METRNL: variants seen among roughly 807,000 people sequenced by gnomAD.
The protein encoded by METRNL is meteorin like, glial cell differentiation regulator.
Under a neutral mutation model 17.4 loss-of-function variants are expected in METRNL, and 9 were observed. The ratio of observed to expected loss-of-function variants is 0.52; its 90% CI spans 0.31 to 0.90. The LOEUF is 0.90. Among genes scored for constraint, METRNL ranks in the 40% least tolerant of loss-of-function variants. METRNL has a pLI of 0.05. For missense variants in METRNL, 408 were observed against 430.7 expected (o/e 0.95, Z 0.47); for synonymous variants, 215 against 199.3 (o/e 1.08, Z -0.66).
At chr17:83,082,738 G>A (rs1307368849) in intron 1 of METRNL, among the ~76,000 whole-genome samples, 1 of 152,246 alleles carries the variant, frequency 6.6e-6, no homozygotes, top group Non-Finnish European at 1.5e-5. Context: ...GAGATTTGAG[G>A]CACTCGATTT....
At chr17:83,086,233 C>T (rs150486658) in intron 2 of METRNL, among the ~76,000 whole-genome samples, 1 of 152,198 alleles carries the variant, frequency 6.6e-6, no homozygotes, top group South Asian at 2.1e-4. Context: ...TGTTCTTGGC[C>T]TAGATTACTT....
chr17:83,081,184 G>A (rs993583353), intron 1 of METRNL, among the ~76,000 whole-genome samples: 11 of 141,930 alleles, frequency 7.8e-5, no homozygotes, highest in Admixed American at 3.4e-4. Context: ...ATGGAGGTCT[G>A]GGGGGGGTCG....
intron 1 of METRNL, among the ~76,000 whole-genome samples, chr17:83,083,323 C>T (rs2143615780): frequency 6.6e-6 from 1 of 152,360 alleles, no homozygotes; most frequent in Non-Finnish European, 1.5e-5. Context: ...GGCAACGTGT[C>T]AGGACGGTGT....
At chr17:83,084,818 G>A (rs1321092782) in intron 1 of METRNL, 120 bp from the exon 2 acceptor site, 12 of 1,316,884 alleles carry the variant, frequency 9.1e-6, no homozygotes, top group Middle Eastern at 2.7e-4. Flanking sequence ...GGCCGGCAGC[G>A]GGTGGGTCCA....
intron 1 of METRNL, chr17:83,080,307 C>G (rs1052953605): frequency 2.0e-5 from 3 of 150,976 alleles, no homozygotes; most frequent in African/African-American, 4.8e-5. Flanking sequence ...AGGCGGGGGT[C>G]GGTCCTCGGG....
chr17:83,094,200 T>C, intron 3 of METRNL, 56 bp from the exon 4 acceptor site: 5 of 1,433,772 alleles, frequency 3.5e-6, no homozygotes, highest in Non-Finnish European at 4.7e-6. Context: ...GGTGCGGTGG[T>C]CTTGCTGTGT....
chr17:83,080,601 CTT>C (rs563834169), intron 1 of METRNL, among the ~76,000 whole-genome samples: 287 of 52,146 alleles, frequency 5.5e-3, no homozygotes, highest in Middle Eastern at 0.015. Flanking sequence ...CGGCCGAGGA[CTT>C]TTTTTTTTTT....
chr17:83,090,228 CCA>C (rs1222678622), intron 2 of METRNL, among the ~76,000 whole-genome samples: 291 of 13,804 alleles, frequency 0.021, 52 homozygotes, highest in East Asian at 0.093. Flanking sequence ...AGGGTGGGAG[CCA>C]CACACACCCC....
chr17:83,093,161 C>G lies in METRNL; in HGVS notation c.557-6C>G. The G allele has an allele frequency of 1.9e-6, 3 of 1,607,192 alleles. No individual in the cohort carries two copies. Among genetic ancestry groups the G allele is most frequent in the Non-Finnish European group, 2.5e-6 (3 of 1,179,716 alleles). On this transcript the variant is annotated splice_polypyrimidine_tract_variant and splice_region_variant and intron_variant, in intron 2 of 3. Coordinates refer to ENST00000320095, the MANE Select transcript of METRNL (RefSeq NM_001004431.3). ...GCTGCTTCCTGACTCTGCCTTTCTT[C>G]TCCAGCGCCGTGCCGTCCCTGCAGT...
At chr17:83,087,896 C>T (rs1486905338) in intron 2 of METRNL, among the ~76,000 whole-genome samples, 2 of 152,202 alleles carry the variant, frequency 1.3e-5, no homozygotes, top group Non-Finnish European at 2.9e-5. Context: ...GCTCCGTGGG[C>T]TGGAACCCCG....
At chr17:83,092,104 G>A (rs1016038144) in intron 2 of METRNL, among the ~76,000 whole-genome samples, 6 of 152,220 alleles carry the variant, frequency 3.9e-5, no homozygotes, top group African/African-American at 1.4e-4. Context: ...CGTGCTTTCC[G>A]CATTCTCTGG....
At position 83,079,729 on chromosome 17, in the gene METRNL, C is replaced by G; in HGVS notation, c.-87C>G. 1 of 561,164 alleles carries G rather than the reference C, an allele frequency of 1.8e-6. No homozygotes were observed. Among genetic ancestry groups the G allele is most frequent in the Non-Finnish European group, 2.2e-6 (1 of 446,392 alleles). The allele number at this position is 561,164 out of a possible 1,614,324, so 34.8% of individuals were successfully genotyped here. A position where few individuals can be genotyped will look rare whatever the true frequency, so the allele number is the denominator to read the frequency against. On this transcript the variant is annotated 5_prime_UTR_variant, in exon 1 of 4. Coordinates refer to ENST00000320095, the MANE Select transcript of METRNL (RefSeq NM_001004431.3). Reference sequence around the variant, plus strand: ...GACGTGACCACCCGGACTCGAAGCCCGCCCCGCCCCCGCCCGGCTCGCCGG... The same window carrying G: ...GACGTGACCACCCGGACTCGAAGCCGGCCCCGCCCCCGCCCGGCTCGCCGG...
At chr17:83,083,319 G>A (rs905147565) in intron 1 of METRNL, among the ~76,000 whole-genome samples, 9 of 152,260 alleles carry the variant, frequency 5.9e-5, no homozygotes, top group African/African-American at 1.7e-4. Flanking sequence ...GGGAGGCAAC[G>A]TGTCAGGACG....
intron 3 of METRNL, among the ~76,000 whole-genome samples, chr17:83,093,890 G>A (rs542558099): frequency 2.6e-5 from 4 of 152,304 alleles, no homozygotes; most frequent in South Asian, 2.1e-4. Flanking sequence ...CAAGTGTGGC[G>A]CGAAGGCTGT....
chr17:83,085,010 G>A lies in METRNL; in HGVS notation c.243G>A (p.Glu81=). The A allele has an allele frequency of 6.2e-7, 1 of 1,613,746 alleles. No homozygotes were observed. Among genetic ancestry groups the A allele is most frequent in the South Asian group, 1.1e-5 (1 of 91,084 alleles). ...TGCGCTGTGCGGCGGGTGCCGTGGA[G>A]TGGATGTACCCAACAGGTGCTCTCA... ...VYLRCAAGAV[E]WMYPTGALIV... The change falls in exon 2 of 4, where the codon GAG becomes GAA. Residue 81 remains glutamate, a synonymous_variant. Transcript: ENST00000320095.
At chr17:83,082,281 C>T (rs1225319876) in intron 1 of METRNL, 1 of 984,298 alleles carries the variant, frequency 1.0e-6, no homozygotes, top group East Asian at 1.1e-4. Context: ...CCCTTCCTGA[C>T]TTTCATACAG....
intron 2 of METRNL, among the ~76,000 whole-genome samples, chr17:83,089,216 C>T (rs557346177): frequency 2.0e-5 from 3 of 152,158 alleles, no homozygotes; most frequent in African/African-American, 4.8e-5. Context: ...CTGGAGCCCA[C>T]CCTCCACCCC....
chr17:83,079,698 G>T lies in METRNL; in HGVS notation c.-118G>T, dbSNP rs904863273. 1.4e-5 allele frequency: 4 copies of T among 290,954 alleles called. No homozygotes were observed. The highest frequency in any genetic ancestry group is 4.6e-5 in the African/African-American group (2 of 43,086). 18.0% of individuals were successfully genotyped at this position (290,954 alleles called of 1,614,324 possible). A position where few individuals can be genotyped will look rare whatever the true frequency, so the allele number is the denominator to read the frequency against. ...GGCGGCCGCGCGGAGGACGCGGGGGGCGCGCGACGTGACCACCCGGACTCG... is the reference window on the plus strand; with the variant it reads ...GGCGGCCGCGCGGAGGACGCGGGGGTCGCGCGACGTGACCACCCGGACTCG... On this transcript the variant is annotated 5_prime_UTR_variant, in exon 1 of 4. Transcript: ENST00000320095.
At chr17:83,084,023 T>G (rs2038019444) in intron 1 of METRNL, 1 of 152,218 alleles carries the variant, frequency 6.6e-6, no homozygotes, top group African/African-American at 2.4e-5. Flanking sequence ...AAAATATAAC[T>G]GTTTCTACTC....
Sources: gnomAD v4.1 joint callset for allele counts (sites outside exome capture counted in the v4.1 genomes callset) on GRCh38, gnomAD v4.1.1 for gene constraint, MANE v1.5 for transcripts, NCBI Gene and HGNC (gene_info 2026-07-23, HGNC 2026-07-21) for gene names.